The following WAPL variants were observed in gnomAD, a reference collection of about 807,000 sequenced individuals.
The protein encoded by WAPL is WAPL cohesin release factor.
Under a neutral mutation model 121.0 loss-of-function variants are expected in WAPL, and 5 were observed. That is an observed-to-expected ratio of 0.04 (90% CI 0.02 to 0.09). The LOEUF is 0.09. WAPL is among the 10% of genes least tolerant of loss of function. WAPL has a pLI of 1.00. For synonymous variants in WAPL, 480 were observed against 481.5 expected, an observed-to-expected ratio of 1.00 and a Z score of 0.04; for missense variants, 999 against 1,410.8, an observed-to-expected ratio of 0.71 and a Z score of 4.68.
At chr10:86,504,900 C>T (rs1188989749) in intron 2 of WAPL, among the ~76,000 whole-genome samples, 1 of 152,088 alleles carries the variant, frequency 6.6e-6, no homozygotes, top group African/African-American at 2.4e-5. Context: ...TATACTTTAG[C>T]AATAACATTC....
At position 86,453,139 on chromosome 10, in the gene WAPL, T is replaced by C. The variant is rs1841039293; in HGVS notation, c.2949+81A>G. 4.0e-6 allele frequency: 5 copies of C among 1,237,770 alleles called. No individual in the cohort carries two copies. The East Asian group carries it at 1.3e-4, about 33-fold the overall frequency. The allele number at this position is 1,237,770 out of a possible 1,614,324, so 76.7% of individuals were successfully genotyped here. On this transcript the variant is annotated intron_variant, in intron 14 of 18. Coordinates refer to ENST00000298767, the MANE Select transcript of WAPL (RefSeq NM_015045.5). ...ACCCACAATATATTAAAGGGTTGGT[T>C]CTTAAACCCAAACTAAGGTTAACAT...
chr10:86,517,838 C>A lies in WAPL; in HGVS notation c.232G>T (p.Asp78Tyr). 1 of 1,614,228 alleles carries A rather than the reference C, an allele frequency of 6.2e-7. No homozygotes were observed. Among genetic ancestry groups the A allele is most frequent in the Non-Finnish European group, 8.5e-7 (1 of 1,180,034 alleles). Residue 78 changes from aspartate to tyrosine, a missense_variant, in exon 2 of 19, where the codon GAT (aspartate) becomes TAT (tyrosine). By Grantham distance (160) the Asp-to-Tyr change is radical. Coordinates refer to ENST00000298767, the MANE Select transcript of WAPL (RefSeq NM_015045.5). ...GAAGAAACTGGTAGAGACTCATCAT[C>A]ACTATCAAATCCAAAAGGATCTCCA... Reference protein sequence around the residue: ...STGDPFGFDSDDESLPVSSKN... With the variant: ...STGDPFGFDSYDESLPVSSKN...
rs567385020 is a variant in WAPL at position 86,466,083 on chromosome 10, T to C, written c.2370+1196A>G. 5.3e-5 allele frequency among the ~76,000 whole-genome samples: 8 copies of C among 152,300 alleles called. No homozygotes were observed. The South Asian group carries it at 8.3e-4, about 16-fold the overall frequency. ...AAACTGAACTAAAGCAAAAATGGAA[T>C]AGCCATCTCACACATGGGGCATTGT... is the stretch of plus-strand genomic sequence containing the variant. On this transcript the variant is annotated intron_variant, in intron 9 of 18. Coordinates refer to ENST00000298767, the MANE Select transcript of WAPL (RefSeq NM_015045.5).
rs770289614 is a variant in WAPL, at chr10:86,446,265, T to G, written c.3299A>C (p.Asp1100Ala). 1.9e-6 allele frequency: 3 copies of G among 1,613,922 alleles called. No homozygotes were observed. The highest frequency in any genetic ancestry group is 2.5e-6 in the Non-Finnish European group (3 of 1,179,808). Residue 1100 changes from aspartate to alanine, a missense_variant, in exon 16 of 19, where the codon GAT (aspartate) becomes GCT (alanine). Asp to Ala is a moderately radical substitution (Grantham distance 126, BLOSUM62 -2). This residue lies in a region of WAPL where 126 missense variants were observed against 144.0 expected (regional missense o/e 0.87). Coordinates refer to ENST00000298767, the MANE Select transcript of WAPL (RefSeq NM_015045.5). ...TEEKHKKEEE[D>A]EELDLNKALQ... ...ACCTTTATTGAGGTCAAGTTCTTCA[T>G]CCTCCTCCTCCTTCTTATGTTTCTC...
At chr10:86,443,160 T>C (rs1324265287) in intron 17 of WAPL, 115 bp downstream of exon 17, 3 of 726,456 alleles carry the variant, frequency 4.1e-6, no homozygotes, top group Admixed American at 2.8e-5. Flanking sequence ...TGGAATAAGT[T>C]GGACATTAAG....
At chr10:86,503,238 G>A (rs1842280580) in intron 2 of WAPL, among the ~76,000 whole-genome samples, 1 of 151,480 alleles carries the variant, frequency 6.6e-6, no homozygotes, top group African/African-American at 2.4e-5. Context: ...GGGAGGCTGA[G>A]GTGGAAATAG....
chr10:86,518,764 G>T (rs1016748290), intron 1 of WAPL, among the ~76,000 whole-genome samples: 2 of 152,086 alleles, frequency 1.3e-5, no homozygotes, highest in African/African-American at 4.8e-5. Flanking sequence ...TTAGTTCTTT[G>T]AAATTTCATG....
At chr10:86,486,399 A>G (rs1841931893) in intron 4 of WAPL, among the ~76,000 whole-genome samples, 1 of 152,222 alleles carries the variant, frequency 6.6e-6, no homozygotes, top group African/African-American at 2.4e-5. Context: ...AACTCATTTT[A>G]TAAAACAAAA....
rs1841317148 is a variant in WAPL, at chr10:86,462,843, G to C, written c.2371-1556C>G. Among the ~76,000 whole-genome samples, 5 of 151,470 alleles carry C rather than the reference G, an allele frequency of 3.3e-5. 1 individual carries two copies. In the South Asian group the frequency reaches 1.0e-3, roughly 31 times the overall value. On this transcript the variant is annotated intron_variant, in intron 9 of 18. Transcript: ENST00000298767. Reference sequence around the variant, plus strand: ...ATTCTGTCCCTCAAAGAGTAATTTAGACTGGTTCGTGTGTGTTAATTCATG... The same window carrying C: ...ATTCTGTCCCTCAAAGAGTAATTTACACTGGTTCGTGTGTGTTAATTCATG...
Position 86,460,432 on chromosome 10 carries a change from C to G in WAPL, c.2547G>C (p.Trp849Cys). 6.2e-7 allele frequency: 1 copy of G among 1,613,834 alleles called. No homozygotes were observed. Among genetic ancestry groups the G allele is most frequent in the Non-Finnish European group, 8.5e-7 (1 of 1,179,984 alleles). ...AAACTCGTAAACATCTCTCTGCTCC[C>G]CATAGTGAGGCTACCAGTTTCTCTT... ...EDEEKLVASL[W>C]GAERCLRVLE... The change falls in exon 11 of 19, where the codon TGG becomes TGC. Residue 849 changes from tryptophan (W) to cysteine (C), a missense_variant. Trp to Cys is a radical substitution (Grantham distance 215). Around this residue, in one of 7 missense-constraint regions of WAPL, gnomAD observed 118 missense variants for 318.3 expected, o/e 0.37. Transcript: ENST00000298767.
chr10:86,437,178 C>G lies in WAPL; in HGVS notation c.*365G>C. On this transcript the variant is annotated 3_prime_UTR_variant, in exon 19 of 19. Transcript: ENST00000298767. Reference sequence around the variant, plus strand: ...CCTGGCTGGCATGACAACAGTGGCTCAACATACACAGCAGTTGCACTAACA... The same window carrying G: ...CCTGGCTGGCATGACAACAGTGGCTGAACATACACAGCAGTTGCACTAACA... 1 of 180,988 alleles carries G rather than the reference C, an allele frequency of 5.5e-6. No individual in the cohort carries two copies. Among genetic ancestry groups the G allele is most frequent in the Non-Finnish European group, 1.1e-5 (1 of 87,282 alleles). 11.2% of individuals were successfully genotyped at this position (180,988 alleles called of 1,614,324 possible).
In WAPL at chr10:86,500,651, T is replaced by C. The variant is rs1239949861; in HGVS notation, c.592A>G (p.Thr198Ala). 10 of 1,613,490 alleles carry C rather than the reference T, an allele frequency of 6.2e-6. No homozygotes were observed. The change falls in exon 3 of 19, where the codon ACT becomes GCT. Residue 198 changes from threonine to alanine, a missense_variant. Thr to Ala is a moderately conservative substitution (Grantham distance 58). This residue lies in a region of WAPL where 531 missense variants were observed against 563.1 expected (regional missense o/e 0.94). Coordinates refer to ENST00000298767, the MANE Select transcript of WAPL (RefSeq NM_015045.5). Reference sequence around the variant, plus strand: ...TCCTTGATTTCAGAAGCCACTGTAGTTTCTGCATTGGGTTTCTTAGTACTG... The same window carrying C: ...TCCTTGATTTCAGAAGCCACTGTAGCTTCTGCATTGGGTTTCTTAGTACTG... ...DDSTKKPNAE[T>A]TVASEIKETN...
chr10:86,438,864 C>A (rs1849392119), intron 17 of WAPL, among the ~76,000 whole-genome samples: 1 of 152,142 alleles, frequency 6.6e-6, no homozygotes, highest in Non-Finnish European at 1.5e-5. Flanking sequence ...CAAGAAGCAG[C>A]CAAACTATAT....
chr10:86,505,300 C>CTTTTTTTTTTTTGTTTTTTTTTTTTT (rs1842325978), intron 2 of WAPL, among the ~76,000 whole-genome samples: 1 of 44,638 alleles, frequency 2.2e-5, no homozygotes, highest in Non-Finnish European at 4.1e-5. Flanking sequence ...GTGCCCAACT[C>CTTTTTTTTTTTTGTTTTTTTTTTTTT]TTTTTTTTTT....
chr10:86,454,117 G>C (rs1037071055), intron 12 of WAPL, among the ~76,000 whole-genome samples: 1 of 152,094 alleles, frequency 6.6e-6, no homozygotes, highest in African/African-American at 2.4e-5. Flanking sequence ...TTCTCAAACA[G>C]GGCAAATGGT....
chr10:86,472,700 G>A lies in WAPL; in HGVS notation c.1805C>T (p.Pro602Leu). The A allele has an allele frequency of 1.2e-6, 2 of 1,613,830 alleles. No homozygotes were observed. Among genetic ancestry groups the A allele is most frequent in the Non-Finnish European group, 8.5e-7 (1 of 1,179,874 alleles). ...TGTCACAGTTTTTATCACTTTGGAT[G>A]GTGGTGCAGGAGCCTTAAAAACTCC... The part of the protein sequence containing the change: ...DDGVFKAPAP[P>L]SKVIKTVTIP... The change falls in exon 6 of 19, where the codon CCA (proline) becomes CTA (leucine). Residue 602 changes from proline to leucine, a missense_variant. Around this residue, in one of 7 missense-constraint regions of WAPL, gnomAD observed 74 missense variants for 115.1 expected, o/e 0.64. Transcript: ENST00000298767. The surrounding 1 kb of genome is among the most constrained non-coding windows in gnomAD (Gnocchi z 4.2).
At chr10:86,444,580 A>G (rs1488719964) in intron 16 of WAPL, among the ~76,000 whole-genome samples, 1 of 152,190 alleles carries the variant, frequency 6.6e-6, no homozygotes, top group East Asian at 1.9e-4. Flanking sequence ...AAGGCAACAT[A>G]TTGTATGACT....
chr10:86,453,923 A>C, intron 12 of WAPL, 92 bp from the exon 13 acceptor site: 2 of 1,156,054 alleles, frequency 1.7e-6, no homozygotes, highest in Non-Finnish European at 2.2e-6. Context: ...CTATCGGATG[A>C]AATTTCACTT....
chr10:86,512,926 G>A (rs1222667294), intron 2 of WAPL, among the ~76,000 whole-genome samples: 1 of 152,150 alleles, frequency 6.6e-6, no homozygotes, highest in Non-Finnish European at 1.5e-5. Flanking sequence ...TAAGGAACAG[G>A]ACATTTTAGC....
Sources: gnomAD v4.1 joint callset for allele counts (sites outside exome capture counted in the v4.1 genomes callset) on GRCh38, gnomAD v4.1.1 for gene constraint, gnomAD v4.1.1 regional missense constraint, Gnocchi (gnomAD v3.1) non-coding constraint, MANE v1.5 for transcripts, NCBI Gene and HGNC (gene_info 2026-07-23, HGNC 2026-07-21) for gene names.